Variants in IL1RAPL1 observed in about 807,000 individuals in gnomAD.
IL1RAPL1 encodes interleukin 1 receptor accessory protein like 1, also known as interleukin-1 receptor accessory protein-like 1.
In IL1RAPL1, 3 loss-of-function variants were observed where a neutral mutation model predicts 48.4. That is an observed-to-expected ratio of 0.06 (90% CI 0.03 to 0.16). The LOEUF (loss-of-function observed/expected upper bound fraction) is 0.16, where lower values mean the gene tolerates loss of function less well. Ranked by LOEUF, IL1RAPL1 falls within the 10% of genes least tolerant of loss-of-function variation. IL1RAPL1 has a pLI of 1.00. For missense variants in IL1RAPL1, 349 were observed against 530.6 expected (o/e 0.66, Z 3.36); for synonymous variants, 185 against 187.7 (o/e 0.99, Z 0.12).
intron 6 of IL1RAPL1, among the ~76,000 whole-genome samples, chrX:29,679,733 G>A (rs754975830): frequency 8.9e-6 from 1 of 111,940 alleles, no homozygotes; most frequent in African/African-American, 3.2e-5. Context: ...TACAGAGTGA[G>A]AATAAGGTTT....
At chrX:29,782,293 A>G (rs1929364694) in intron 6 of IL1RAPL1, among the ~76,000 whole-genome samples, 1 of 111,563 alleles carries the variant, frequency 9.0e-6, no homozygotes, top group Non-Finnish European at 1.9e-5. Flanking sequence ...TTTAAGGATA[A>G]TTCAGAACAT....
intron 2 of IL1RAPL1, among the ~76,000 whole-genome samples, chrX:28,892,448 G>T (rs1922796935): frequency 9.0e-6 from 1 of 110,783 alleles, no homozygotes; most frequent in African/African-American, 3.3e-5. Context: ...ATGTCCTCAG[G>T]TAAGGCAGGA....
intron 3 of IL1RAPL1, among the ~76,000 whole-genome samples, chrX:29,301,875 G>C (rs1190041652): frequency 9.0e-6 from 1 of 111,233 alleles, no homozygotes; most frequent in African/African-American, 3.3e-5. Context: ...ACACGAGATA[G>C]ATCTTTCTTC....
intron 1 of IL1RAPL1, among the ~76,000 whole-genome samples, chrX:28,780,161 G>C (rs1448128157): frequency 2.7e-5 from 3 of 111,190 alleles, no homozygotes; most frequent in Non-Finnish European, 5.7e-5. Flanking sequence ...ACACATATAA[G>C]ATCAGATAAT....
intron 2 of IL1RAPL1, among the ~76,000 whole-genome samples, chrX:29,204,622 T>A (rs2147536622): frequency 8.9e-6 from 1 of 112,358 alleles, no homozygotes; most frequent in South Asian, 3.7e-4. Flanking sequence ...ATTCATTTAA[T>A]ACTCAACTAT....
chrX:29,475,801 C>T (rs918906206), intron 5 of IL1RAPL1, among the ~76,000 whole-genome samples: 12 of 109,831 alleles, frequency 1.1e-4, no homozygotes, highest in East Asian at 8.5e-4. Flanking sequence ...CCACTAGTCA[C>T]GTTTCCTATA....
chrX:28,594,384 C>T (rs1933933619), intron 1 of IL1RAPL1, among the ~76,000 whole-genome samples: 1 of 111,618 alleles, frequency 9.0e-6, no homozygotes, highest in Admixed American at 9.6e-5. Context: ...AAAATAATTG[C>T]TTTTTTAAAA....
At chrX:29,145,751 G>A (rs961835406) in intron 2 of IL1RAPL1, among the ~76,000 whole-genome samples, 13 of 111,689 alleles carry the variant, frequency 1.2e-4, no homozygotes, top group African/African-American at 3.6e-4. Context: ...TAATTGCATC[G>A]TCATTCTTCT....
intron 5 of IL1RAPL1, among the ~76,000 whole-genome samples, chrX:29,650,064 C>T (rs1292428931): frequency 9.0e-6 from 1 of 110,985 alleles, no homozygotes; most frequent in African/African-American, 3.3e-5. Context: ...GAGGGAAAAC[C>T]ATCTCTACAC....
At chrX:29,234,990 C>T (rs1931264709) in intron 2 of IL1RAPL1, among the ~76,000 whole-genome samples, 2 of 111,984 alleles carry the variant, frequency 1.8e-5, no homozygotes, top group South Asian at 7.4e-4. Context: ...CTTGTGTTTC[C>T]TGCCTTTGCA....
rs755969263 is a variant in IL1RAPL1, at chrX:28,835,789, T to A, written c.82+46364T>A. Among the ~76,000 whole-genome samples, 12 of 111,323 alleles carry A rather than the reference T, an allele frequency of 1.1e-4. No individual in the cohort carries two copies. The East Asian group carries it at 3.4e-3, about 32-fold the overall frequency. On this transcript the variant is annotated intron_variant, in intron 2 of 10. Transcript: ENST00000378993. ...TTAAATGAGTCACTAATTTAATATATTATTTCTTTTATAAAGTTCATTTAT... is the reference window on the plus strand; with the variant it reads ...TTAAATGAGTCACTAATTTAATATAATATTTCTTTTATAAAGTTCATTTAT...
intron 2 of IL1RAPL1, among the ~76,000 whole-genome samples, chrX:29,211,435 G>T (rs1930767855): frequency 9.0e-6 from 1 of 111,614 alleles, no homozygotes. Context: ...ATTGAAATTG[G>T]GGCAGGCTTT....
At chrX:29,842,919 T>C (rs753901908) in intron 6 of IL1RAPL1, among the ~76,000 whole-genome samples, 16 of 112,187 alleles carry the variant, frequency 1.4e-4, no homozygotes, top group African/African-American at 4.9e-4. Flanking sequence ...CCCAGCCAGA[T>C]TGACATGCTT....
intron 5 of IL1RAPL1, among the ~76,000 whole-genome samples, chrX:29,544,042 T>C: frequency 8.9e-6 from 1 of 112,197 alleles, no homozygotes; most frequent in Middle Eastern, 4.6e-3. Flanking sequence ...TTGAGTCTTA[T>C]AGTTACATAG....
At chrX:29,821,814 A>T (rs1241078100) in intron 6 of IL1RAPL1, among the ~76,000 whole-genome samples, 4 of 112,568 alleles carry the variant, frequency 3.6e-5, no homozygotes, top group African/African-American at 1.3e-4. Flanking sequence ...AACCTTAATC[A>T]TTTTATTCTT....
At chrX:29,814,365 G>A (rs1340831872) in intron 6 of IL1RAPL1, among the ~76,000 whole-genome samples, 1 of 111,363 alleles carries the variant, frequency 9.0e-6, no homozygotes, top group African/African-American at 3.3e-5. Context: ...CTGTTTCTTG[G>A]CTGCACATAC....
At position 29,534,215 on chromosome X, in the gene IL1RAPL1, C is replaced by T. The variant is rs920788993; in HGVS notation, c.704-134215C>T. 4.5e-5 allele frequency among the ~76,000 whole-genome samples: 5 copies of T among 111,692 alleles called. No homozygotes were observed. The Admixed American group carries it at 4.7e-4, about 11-fold the overall frequency. ...AATGGACTAAGACACCATTGCTTCT[C>T]TTTAGGATGTGCAAATAGTTTGTGC... On this transcript the variant is annotated intron_variant, in intron 5 of 10. Coordinates refer to ENST00000378993, the MANE Select transcript of IL1RAPL1 (RefSeq NM_014271.4).
intron 5 of IL1RAPL1, among the ~76,000 whole-genome samples, chrX:29,443,883 G>A (rs1240924402): frequency 8.9e-6 from 1 of 111,845 alleles, no homozygotes; most frequent in African/African-American, 3.3e-5. Flanking sequence ...CCCAGAAACA[G>A]CAAGAGAGAG....
At chrX:29,019,901 T>C (rs756356900) in intron 2 of IL1RAPL1, among the ~76,000 whole-genome samples, 2 of 112,359 alleles carry the variant, frequency 1.8e-5, no homozygotes, top group Non-Finnish European at 3.8e-5. Context: ...TGCTGACATA[T>C]TCCATAGGGA....
Sources: allele counts gnomAD v4.1 joint callset (sites outside exome capture counted in the v4.1 genomes callset), GRCh38; gene constraint gnomAD v4.1.1; transcripts MANE v1.5; gene names NCBI Gene and HGNC (gene_info 2026-07-23, HGNC 2026-07-21).